VPS8: variants seen among roughly 807,000 people sequenced by gnomAD.
VPS8 encodes vacuolar protein sorting-associated protein 8 homolog.
Under a neutral mutation model 216.4 loss-of-function variants are expected in VPS8, and 129 were observed. The observed-to-expected ratio is 0.60, with a 90% confidence interval of 0.52 to 0.69. The LOEUF (loss-of-function observed/expected upper bound fraction) is 0.69, where lower values mean the gene tolerates loss of function less well. VPS8 is among the 30% of genes least tolerant of loss of function. The pLI is 0.00. For synonymous variants in VPS8, 571 were observed against 565.4 expected (o/e 1.01, Z -0.14); for missense variants, 1,531 against 1,683.5 (o/e 0.91, Z 1.59).
rs549432467 is a variant in VPS8 at position 184,830,748 on chromosome 3, T to C, written c.223-1941T>C. On this transcript the variant is annotated intron_variant, in intron 3 of 47. Transcript: ENST00000625842. ...TAAGATCTTGATGCTGCTGTATTTA[T>C]TTCTGAATTATTTCCTTCCCTTTTC... Among the ~76,000 whole-genome samples the C allele has an allele frequency of 1.3e-4, 20 of 152,366 alleles. No homozygotes were observed. The South Asian group carries it at 1.4e-3, about 11-fold the overall frequency.
chr3:184,942,107 T>C (rs1361611785), intron 36 of VPS8, among the ~76,000 whole-genome samples: 2 of 151,928 alleles, frequency 1.3e-5, no homozygotes, highest in African/African-American at 4.8e-5. Flanking sequence ...AAAAAGCAAA[T>C]ACAAATAATA....
At chr3:184,951,882 A>T (rs189568176) in intron 36 of VPS8, among the ~76,000 whole-genome samples, 3 of 152,364 alleles carry the variant, frequency 2.0e-5, no homozygotes, top group Non-Finnish European at 2.9e-5. Context: ...ATTATTTCCC[A>T]TCAGACACGT....
intron 23 of VPS8, among the ~76,000 whole-genome samples, chr3:184,898,042 C>T (rs536283541): frequency 6.6e-6 from 1 of 152,102 alleles, no homozygotes; most frequent in Admixed American, 6.6e-5. Flanking sequence ...TACTCCAGAC[C>T]AGTTAGGTTA....
intron 16 of VPS8, 71 bp downstream of exon 16, chr3:184,863,138 T>G (rs1489371008): frequency 6.4e-7 from 1 of 1,559,348 alleles, no homozygotes; most frequent in East Asian, 2.2e-5. Flanking sequence ...TATAGTTGTT[T>G]TAGAAATAGG....
intron 34 of VPS8, among the ~76,000 whole-genome samples, chr3:184,933,918 A>G (rs551325498): frequency 1.3e-5 from 2 of 152,268 alleles, no homozygotes; most frequent in African/African-American, 2.4e-5. Context: ...AATCTTGGCT[A>G]TTATTGACTT....
chr3:184,906,051 T>C (rs1053966971), intron 25 of VPS8, among the ~76,000 whole-genome samples: 2 of 152,128 alleles, frequency 1.3e-5, no homozygotes, highest in African/African-American at 2.4e-5. Context: ...ATTGTTGATT[T>C]GAGGTCTTTG....
chr3:185,042,127 A>G (rs898607463), intron 46 of VPS8, among the ~76,000 whole-genome samples: 2 of 152,206 alleles, frequency 1.3e-5, no homozygotes, highest in South Asian at 2.1e-4. Flanking sequence ...CCGGTTTTCC[A>G]TGAAATATCA....
intron 22 of VPS8, chr3:184,893,414 T>G: frequency 4.0e-6 from 4 of 998,396 alleles, no homozygotes; most frequent in East Asian, 1.7e-4. Flanking sequence ...TCTCAACAGG[T>G]AAATAAAATT....
At chr3:184,850,077 T>C in intron 10 of VPS8, 55 bp downstream of exon 10, 1 of 1,452,170 alleles carries the variant, frequency 6.9e-7, no homozygotes, top group Non-Finnish European at 9.4e-7. Context: ...TTTGTGTTTA[T>C]TTTAAAGTAA....
At chr3:185,024,540 A>G (rs1307773147) in intron 46 of VPS8, among the ~76,000 whole-genome samples, 151 bp downstream of exon 46, 1 of 152,180 alleles carries the variant, frequency 6.6e-6, no homozygotes, top group Non-Finnish European at 1.5e-5. Context: ...ACATGTCTCC[A>G]GGCCTCCTCT....
chr3:184,833,224 A>G (rs1191723332), intron 4 of VPS8, among the ~76,000 whole-genome samples: 1 of 152,186 alleles, frequency 6.6e-6, no homozygotes, highest in Non-Finnish European at 1.5e-5. Context: ...GGTTCAGAGA[A>G]TCACAAAGAC....
chr3:184,917,229 A>G (rs6788431), intron 28 of VPS8, among the ~76,000 whole-genome samples: 19,897 of 152,160 alleles, frequency 0.13, 1,366 homozygotes, highest in Non-Finnish European at 0.16. Flanking sequence ...AGAGGGCTGA[A>G]TATATAGAAA....
chr3:184,967,247 A>G (rs1747573157), intron 39 of VPS8, among the ~76,000 whole-genome samples: 1 of 152,212 alleles, frequency 6.6e-6, no homozygotes, highest in Non-Finnish European at 1.5e-5. Context: ...TGTAGACATA[A>G]GCCACCACGC....
Position 184,870,867 on chromosome 3 carries a change from T to C in VPS8, c.1734+62T>C. 3 of 1,385,728 alleles carry C rather than the reference T, an allele frequency of 2.2e-6. No homozygotes were observed. In the South Asian group the frequency reaches 3.9e-5, roughly 18 times the overall value. 85.8% of individuals were successfully genotyped at this position (1,385,728 alleles called of 1,614,324 possible). ...GGATAGGTCTAATACTCCTCTTTTA[T>C]GTTACTTGAGAATGTGACTTTCATT... On this transcript the variant is annotated intron_variant, in intron 21 of 47. Transcript: ENST00000625842.
chr3:184,993,594 G>C (rs1752213535), intron 42 of VPS8, among the ~76,000 whole-genome samples: 1 of 152,088 alleles, frequency 6.6e-6, no homozygotes, highest in African/African-American at 2.4e-5. Context: ...TGGCTAAATG[G>C]GATCACAGGA....
intron 21 of VPS8, among the ~76,000 whole-genome samples, chr3:184,884,690 T>A (rs1357148146): frequency 6.6e-6 from 1 of 152,196 alleles, no homozygotes; most frequent in East Asian, 1.9e-4. Context: ...AGGCAGGTCC[T>A]CTGCTTCATT....
At chr3:185,024,622 C>G (rs1757099989) in intron 46 of VPS8, among the ~76,000 whole-genome samples, 1 of 152,182 alleles carries the variant, frequency 6.6e-6, no homozygotes, top group Non-Finnish European at 1.5e-5. Flanking sequence ...CTAGAATGTC[C>G]ATCTTCCAGG....
rs117745977 is a variant in VPS8, at chr3:184,812,770, C to T, written c.-89+545C>T. On this transcript the variant is annotated intron_variant, in intron 1 of 47. Transcript: ENST00000625842. ...CTAGGCGGCGGGTGTCATGCCCCTC[C>T]CCACTCCCGGGCGGAACAGGTGTGT... The T allele has an allele frequency of 3.9e-5, 6 of 152,538 alleles. No individual in the cohort carries two copies. The East Asian group carries it at 1.2e-3, about 29-fold the overall frequency. The allele number at this position is 152,538 out of a possible 1,614,324, so 9.4% of individuals were successfully genotyped here. A position where few individuals can be genotyped will look rare whatever the true frequency, so the allele number is the denominator to read the frequency against.
At chr3:184,958,766 A>G (rs554807078) in intron 37 of VPS8, among the ~76,000 whole-genome samples, 1 of 152,340 alleles carries the variant, frequency 6.6e-6, no homozygotes, top group African/African-American at 2.4e-5. Flanking sequence ...GTCAAATTGC[A>G]AGTAAATAAT....
Sources: gnomAD v4.1 joint callset for allele counts (sites outside exome capture counted in the v4.1 genomes callset) on GRCh38, gnomAD v4.1.1 for gene constraint, MANE v1.5 for transcripts, NCBI Gene and HGNC (gene_info 2026-07-23, HGNC 2026-07-21) for gene names.